Variants in DLG2 observed in about 807,000 individuals in gnomAD.
The protein encoded by DLG2 is disks large homolog 2.
A neutral mutation model predicts 132.5 loss-of-function variants in DLG2; 45 were observed. The ratio of observed to expected loss-of-function variants is 0.34; its 90% CI spans 0.27 to 0.44. DLG2 has a LOEUF of 0.44. Ranked by LOEUF, DLG2 falls within the 20% of genes least tolerant of loss-of-function variation. The pLI is 1.00. For missense variants in DLG2, 1,045 were observed against 1,196.9 expected (o/e 0.87, Z 1.87); for synonymous variants, 424 against 419.6 (o/e 1.01, Z -0.13).
chr11:83,882,170 T>C (rs1288566188), intron 15 of DLG2, among the ~76,000 whole-genome samples: 1 of 152,140 alleles, frequency 6.6e-6, no homozygotes, highest in Non-Finnish European at 1.5e-5. Context: ...GCCAAATATT[T>C]TAAAGCAATT....
intron 7 of DLG2, among the ~76,000 whole-genome samples, chr11:84,497,766 A>T (rs1317616598): frequency 1.3e-5 from 2 of 152,146 alleles, no homozygotes; most frequent in Non-Finnish European, 2.9e-5. Flanking sequence ...TCTCTTATCA[A>T]TGACATTCAC....
rs7102890 is a variant in DLG2, at chr11:83,566,195, C to T, written c.1941-24337G>A. Among the ~76,000 whole-genome samples, 1,517 of 152,258 alleles carry T rather than the reference C, an allele frequency of 1.0e-2. 20 individuals carry two copies. The highest frequency in any genetic ancestry group is 0.035 in the African/African-American group (1,441 of 41,536). On this transcript the variant is annotated intron_variant, in intron 19 of 27. Transcript: ENST00000376104. The stretch of plus-strand genomic sequence containing the variant: ...TTGAAGGATAACTGCTCAGTTATTA[C>T]ACGGGAGCAGCTGGTGGAAAAACCA...
intron 4 of DLG2, among the ~76,000 whole-genome samples, chr11:85,186,422 C>T (rs1269629835): frequency 6.6e-6 from 1 of 151,896 alleles, no homozygotes; most frequent in East Asian, 1.9e-4. Flanking sequence ...TTAGTGGCTA[C>T]CATATTGGAC....
chr11:85,419,213 T>C (rs777670039), intron 3 of DLG2, among the ~76,000 whole-genome samples: 1 of 152,290 alleles, frequency 6.6e-6, no homozygotes. Context: ...AAATTCTGGG[T>C]TGAAAATTAT....
chr11:85,555,449 C>G (rs145379726), intron 3 of DLG2, among the ~76,000 whole-genome samples: 64 of 151,882 alleles, frequency 4.2e-4, no homozygotes, highest in African/African-American at 1.5e-3. Flanking sequence ...GAATGATACC[C>G]CAACATATAG....
intron 3 of DLG2, among the ~76,000 whole-genome samples, chr11:85,355,083 G>A (rs569548513): frequency 6.6e-6 from 1 of 152,022 alleles, no homozygotes; most frequent in South Asian, 2.1e-4. Context: ...TAATAAATCA[G>A]GCTTTAATGT....
intron 7 of DLG2, among the ~76,000 whole-genome samples, chr11:84,422,664 C>T (rs2098954620): frequency 6.6e-6 from 1 of 151,948 alleles, no homozygotes; most frequent in South Asian, 2.1e-4. Context: ...TAGTTTAGAC[C>T]CTCAAATTAA....
At chr11:83,908,162 C>T (rs1401154335) in intron 15 of DLG2, among the ~76,000 whole-genome samples, 1 of 152,160 alleles carries the variant, frequency 6.6e-6, no homozygotes, top group African/African-American at 2.4e-5. Context: ...GATCAGAAAA[C>T]ATTTTTTTCA....
intron 2 of DLG2, among the ~76,000 whole-genome samples, chr11:85,623,419 G>A (rs542993418): frequency 2.6e-4 from 39 of 151,804 alleles, no homozygotes; most frequent in African/African-American, 8.4e-4. Context: ...ATTCTCCTGC[G>A]TCAGCCTCCC....
intron 8 of DLG2, among the ~76,000 whole-genome samples, chr11:84,200,393 A>G (rs1202296468): frequency 1.3e-5 from 2 of 152,116 alleles, no homozygotes; most frequent in South Asian, 2.1e-4. Context: ...TAATTTTTGT[A>G]TTTTTAGTAG....
At chr11:85,089,044 G>C (rs1237405692) in intron 6 of DLG2, among the ~76,000 whole-genome samples, 1 of 152,116 alleles carries the variant, frequency 6.6e-6, no homozygotes, top group Admixed American at 6.5e-5. Flanking sequence ...TGAGTGTTGC[G>C]AGCAGAGCTC....
chr11:84,806,974 T>C (rs924878502), intron 6 of DLG2, among the ~76,000 whole-genome samples: 11 of 152,226 alleles, frequency 7.2e-5, no homozygotes, highest in South Asian at 4.2e-4. Context: ...CACTGTCATA[T>C]ATAATGTGAT....
chr11:85,580,100 A>ACT (rs750786891), intron 3 of DLG2, among the ~76,000 whole-genome samples: 1 of 151,488 alleles, frequency 6.6e-6, no homozygotes, highest in Non-Finnish European at 1.5e-5. Flanking sequence ...CCCACTGCAC[A>ACT]CTCTCTCTCT....
intron 19 of DLG2, among the ~76,000 whole-genome samples, chr11:83,575,597 T>A (rs2096861856): frequency 6.6e-6 from 1 of 152,190 alleles, no homozygotes; most frequent in African/African-American, 2.4e-5. Context: ...GATCAATACT[T>A]GGCATTTGTA....
chr11:84,582,300 AAT>A (rs374771165), intron 6 of DLG2, among the ~76,000 whole-genome samples: 6 of 150,224 alleles, frequency 4.0e-5, no homozygotes, highest in Admixed American at 6.7e-5. Flanking sequence ...GAAGGTGGCG[AAT>A]ATATATATAT....
At chr11:85,136,720 CTTTTA>C (rs1034189672) in intron 5 of DLG2, among the ~76,000 whole-genome samples, 7 of 151,742 alleles carry the variant, frequency 4.6e-5, no homozygotes, top group Non-Finnish European at 8.8e-5. Flanking sequence ...TCCATTATTA[CTTTTA>C]TTTTGTTTGT....
At chr11:83,555,783 A>T (rs1398620894) in intron 19 of DLG2, among the ~76,000 whole-genome samples, 3 of 152,218 alleles carry the variant, frequency 2.0e-5, no homozygotes, top group African/African-American at 7.2e-5. Flanking sequence ...GAAAATCTTC[A>T]ATCTAGTACT....
rs376792223 is a variant in DLG2 at position 85,065,675 on chromosome 11, T to C, written c.357+45986A>G. On this transcript the variant is annotated intron_variant, in intron 6 of 27. Transcript: ENST00000376104. ...ATACCAAGAGGAACTCTCAAAAGTA[T>C]AAAAATACATGGAAATTAAACAATC... 1.5e-4 allele frequency among the ~76,000 whole-genome samples: 22 copies of C among 151,180 alleles called. No homozygotes were observed. The East Asian group carries it at 2.7e-3, about 19-fold the overall frequency.
intron 6 of DLG2, among the ~76,000 whole-genome samples, chr11:84,944,521 CTT>C (rs1377721878): frequency 6.6e-6 from 1 of 151,222 alleles, no homozygotes; most frequent in Non-Finnish European, 1.5e-5. Context: ...TTGAGAGACT[CTT>C]ATGCATTGTT....
Sources: gnomAD v4.1 joint callset for allele counts (sites outside exome capture counted in the v4.1 genomes callset) on GRCh38, gnomAD v4.1.1 for gene constraint, MANE v1.5 for transcripts, NCBI Gene and HGNC (gene_info 2026-07-23, HGNC 2026-07-21) for gene names.